AQP4: variants seen among roughly 807,000 people sequenced by gnomAD.
AQP4 encodes the protein aquaporin-4.
A neutral mutation model predicts 27.8 loss-of-function variants in AQP4; 18 were observed. That is an observed-to-expected ratio of 0.65 (90% CI 0.45 to 0.96). AQP4 has a LOEUF of 0.96. AQP4 is among the 40% of genes least tolerant of loss of function. The pLI is 0.00. For missense variants in AQP4, 412 were observed against 408.2 expected, an observed-to-expected ratio of 1.01 and a Z score of -0.08; for synonymous variants, 141 against 142.9, an observed-to-expected ratio of 0.99 and a Z score of 0.10.
At chr18:26,864,729 G>A (rs538833834) in intron 1 of AQP4, among the ~76,000 whole-genome samples, 1 of 150,176 alleles carries the variant, frequency 6.7e-6, no homozygotes, top group Admixed American at 6.6e-5. Context: ...TTGTGGTCAG[G>A]GTTAGGGGAG....
chr18:26,857,490 C>G (rs1439084015), intron 4 of AQP4, among the ~76,000 whole-genome samples: 1 of 152,036 alleles, frequency 6.6e-6, no homozygotes, highest in Non-Finnish European at 1.5e-5. Context: ...CCACGCCTGG[C>G]TAATTTTTTG....
chr18:26,865,420 C>T, intron 1 of AQP4: 1 of 611,674 alleles, frequency 1.6e-6, no homozygotes, highest in South Asian at 1.9e-5. Flanking sequence ...GGGTAATTTT[C>T]CTGGGCTTTT....
chr18:26,860,722 G>A (rs755311593), intron 4 of AQP4, 50 bp downstream of exon 4: 4 of 1,479,462 alleles, frequency 2.7e-6, no homozygotes, highest in East Asian at 2.3e-5. Flanking sequence ...AGCCCCACAG[G>A]TAATTGTCCT....
intron 3 of AQP4, 83 bp from the exon 4 acceptor site, chr18:26,860,935 T>C (rs772984178): frequency 6.1e-6 from 9 of 1,470,702 alleles, no homozygotes; most frequent in Non-Finnish European, 8.6e-6. Context: ...TGCTGTCATT[T>C]GTCACTTAGA....
intron 4 of AQP4, among the ~76,000 whole-genome samples, chr18:26,858,716 T>G (rs1168850132): frequency 2.6e-5 from 4 of 152,222 alleles, no homozygotes; most frequent in Admixed American, 6.5e-5. Context: ...AAATAATTAC[T>G]ACCCTTTCCA....
chr18:26,856,435 A>C lies in AQP4; in HGVS notation c.748T>G (p.Tyr250Asp). 1 of 1,614,160 alleles carries C rather than the reference A, an allele frequency of 6.2e-7. No homozygotes were observed. Among genetic ancestry groups the C allele is most frequent in the Non-Finnish European group, 8.5e-7 (1 of 1,180,012 alleles). Residue 250 changes from tyrosine to aspartate, a missense_variant, in exon 5 of 5, where the codon TAT becomes GAT. By Grantham distance (160) the Tyr-to-Asp change is radical (BLOSUM62 -3). Transcript: ENST00000383168. Reference protein sequence around the residue: ...GAVLAGGLYEYVFCPDVEFKR... With the variant: ...GAVLAGGLYEDVFCPDVEFKR... Reference sequence around the variant, plus strand: ...AATTCAACATCTGGACAGAAGACATACTCATAAAGGCCACCAGCGAGGACA... The same window carrying C: ...AATTCAACATCTGGACAGAAGACATCCTCATAAAGGCCACCAGCGAGGACA...
At chr18:26,860,661 G>T (rs528057628) in intron 4 of AQP4, 111 bp downstream of exon 4, 7 of 929,950 alleles carry the variant, frequency 7.5e-6, no homozygotes, top group Admixed American at 3.4e-5. Context: ...TGAGGGTCAA[G>T]GTTGGAGAAA....
At position 26,862,615 on chromosome 18, in the gene AQP4, C is replaced by G; in HGVS notation, c.33-19G>C. ...ACACTTACTGAAAAGAGAAACAAAT[C>G]AGCATCAGAAGCCACTACACCCAGG... On this transcript the variant is annotated intron_variant, in intron 1 of 4. Transcript: ENST00000383168. 6.2e-7 allele frequency: 1 copy of G among 1,613,800 alleles called. No individual in the cohort carries two copies. The highest frequency in any genetic ancestry group is 1.3e-5 in the African/African-American group (1 of 75,058).
intron 1 of AQP4, 74 bp downstream of exon 1, chr18:26,865,584 A>C: frequency 1.2e-6 from 2 of 1,602,084 alleles, no homozygotes; most frequent in Non-Finnish European, 1.7e-6. Context: ...AGAAGGCACA[A>C]ACATCTATAA....
Position 26,855,326 on chromosome 18 carries a change from A to C in AQP4, c.*885T>G, listed in dbSNP as rs1598508405. The C allele has an allele frequency of 6.6e-6, 1 of 152,232 alleles. No homozygotes were observed. The highest frequency in any genetic ancestry group is 1.5e-5 in the Non-Finnish European group (1 of 68,038). 9.4% of individuals were successfully genotyped at this position (152,232 alleles called of 1,614,324 possible). A position where few individuals can be genotyped will look rare whatever the true frequency, so the allele number is the denominator to read the frequency against. ...CAATAAATTTTTTAAAAATAAGCAA[A>C]GTGGTAAAGGGGTTAAAAGCTTAGA... On this transcript the variant is annotated 3_prime_UTR_variant, in exon 5 of 5. Coordinates refer to ENST00000383168, the MANE Select transcript of AQP4 (RefSeq NM_001650.7).
intron 1 of AQP4, among the ~76,000 whole-genome samples, chr18:26,863,976 T>C (rs771980705): frequency 3.0e-5 from 4 of 133,516 alleles, no homozygotes; most frequent in Non-Finnish European, 4.8e-5. Flanking sequence ...TGGCAGGAAA[T>C]GGCTAGGATT....
chr18:26,861,578 G>A (rs966537738), intron 2 of AQP4, among the ~76,000 whole-genome samples: 1 of 152,160 alleles, frequency 6.6e-6, no homozygotes, highest in African/African-American at 2.4e-5. Context: ...TGCCACTGCA[G>A]CACTTAACTC....
chr18:26,854,247 A>G lies in AQP4; in HGVS notation c.*1964T>C, dbSNP rs1303495760. ...AGTGTATTCAAAAAATCTGCTTAAC[A>G]CTTCCTTGTTAACCGAACTTATTTT... On this transcript the variant is annotated 3_prime_UTR_variant, in exon 5 of 5. Coordinates refer to ENST00000383168, the MANE Select transcript of AQP4 (RefSeq NM_001650.7). The G allele has an allele frequency of 2.0e-5, 3 of 152,224 alleles. No individual in the cohort carries two copies. The highest frequency in any genetic ancestry group is 1.3e-4 in the Admixed American group (2 of 15,282). The allele number at this position is 152,224 out of a possible 1,614,324, so 9.4% of individuals were successfully genotyped here. A position where few individuals can be genotyped will look rare whatever the true frequency, so the allele number is the denominator to read the frequency against.
chr18:26,858,393 T>A (rs918996914), intron 4 of AQP4, among the ~76,000 whole-genome samples: 1 of 152,226 alleles, frequency 6.6e-6, no homozygotes, highest in African/African-American at 2.4e-5. Context: ...ACATGATGGA[T>A]GCTTTTTGTT....
intron 4 of AQP4, among the ~76,000 whole-genome samples, chr18:26,859,159 T>G (rs1386310129): frequency 1.3e-5 from 2 of 152,252 alleles, no homozygotes; most frequent in African/African-American, 4.8e-5. Context: ...GCTTATAAAT[T>G]TAACTAAAAG....
In AQP4 at chr18:26,856,454, G is replaced by A. The variant is rs763680819; in HGVS notation, c.729C>T (p.Leu243=). The A allele has an allele frequency of 7.4e-6, 12 of 1,614,200 alleles. No homozygotes were observed. The highest frequency in any genetic ancestry group is 6.7e-5 in the Admixed American group (4 of 60,024). The change falls in exon 5 of 5, where the codon CTC becomes CTT. Residue 243 remains leucine, a synonymous_variant. Transcript: ENST00000383168. ...YWVGPIIGAV[L]AGGLYEYVFC... Reference sequence around the variant, plus strand: ...AGACATACTCATAAAGGCCACCAGCGAGGACAGCTCCTATGATGGGCCCAA... The same window carrying A: ...AGACATACTCATAAAGGCCACCAGCAAGGACAGCTCCTATGATGGGCCCAA...
chr18:26,858,501 G>A (rs1469979857), intron 4 of AQP4, among the ~76,000 whole-genome samples: 1 of 152,092 alleles, frequency 6.6e-6, no homozygotes, highest in African/African-American at 2.4e-5. Context: ...TAACATTTAC[G>A]GGGAAACTGT....
At chr18:26,861,439 C>T in intron 2 of AQP4, 144 bp from the exon 3 acceptor site, 2 of 765,206 alleles carry the variant, frequency 2.6e-6, no homozygotes, top group Non-Finnish European at 4.4e-6. Flanking sequence ...GAATTTCCTT[C>T]TCTCACCCCC....
At position 26,862,737 on chromosome 18, in the gene AQP4, T is replaced by C. The variant is rs561402917; in HGVS notation, c.33-141A>G. 52 of 1,053,548 alleles carry C rather than the reference T, an allele frequency of 4.9e-5. 1 individual carries two copies. In the South Asian group the frequency reaches 6.5e-4, roughly 13 times the overall value. 65.3% of individuals were successfully genotyped at this position (1,053,548 alleles called of 1,614,324 possible). A position where few individuals can be genotyped will look rare whatever the true frequency, so the allele number is the denominator to read the frequency against. ...TTTGCACACCAAGAAAGAATGCTTC[T>C]GCTAAAGCTCCTTCATGAATAGTCA... On this transcript the variant is annotated intron_variant, in intron 1 of 4. Transcript: ENST00000383168.
Sources: allele counts gnomAD v4.1 joint callset (sites outside exome capture counted in the v4.1 genomes callset), GRCh38; gene constraint gnomAD v4.1.1; transcripts MANE v1.5; gene names NCBI Gene and HGNC (gene_info 2026-07-23, HGNC 2026-07-21).